The following PTCD1 variants were observed in gnomAD, a reference collection of about 807,000 sequenced individuals.
The protein encoded by PTCD1 is pentatricopeptide repeat domain 1.
Under a neutral mutation model 53.4 loss-of-function variants are expected in PTCD1, and 50 were observed. The observed-to-expected ratio is 0.94, with a 90% CI of 0.75 to 1.19. The LOEUF (loss-of-function observed/expected upper bound fraction) is 1.19, where lower values mean the gene tolerates loss of function less well. Ranked by LOEUF, PTCD1 falls within the 50% of genes most tolerant of loss-of-function variation. The pLI, the probability that PTCD1 is intolerant of heterozygous loss-of-function variation, is 0.00. For synonymous variants in PTCD1, 413 were observed against 394.8 expected, an observed-to-expected ratio of 1.05 and a Z score of -0.55; for missense variants, 918 against 904.8, an observed-to-expected ratio of 1.01 and a Z score of -0.19.
intron 2 of PTCD1, among the ~76,000 whole-genome samples, chr7:99,433,913 ATG>A: frequency 6.6e-6 from 1 of 151,586 alleles, no homozygotes; most frequent in Admixed American, 6.6e-5. Context: ...TTAGCCAGGC[ATG>A]GTGGCACACA....
rs573252963 is a variant in PTCD1 at position 99,425,161 on chromosome 7, C to T, written c.1371G>A (p.Thr457=). The change falls in exon 6 of 8, where the codon ACG becomes ACA. Residue 457 remains threonine, a synonymous_variant. Transcript: ENST00000292478. ...AVPPTVVSFG[T]VTTPADRLAL... is the part of the protein sequence containing the mutation. ...CCAGCCGGTCAGCTGGGGTGGTCAC[C>T]GTTCCAAAGGAGACCACTGTAGGGG... 20 of 1,614,050 alleles carry T rather than the reference C, an allele frequency of 1.2e-5. No individual in the cohort carries two copies. The highest frequency in any genetic ancestry group is 1.1e-4 in the South Asian group (10 of 91,086).
At position 99,425,256 on chromosome 7, in the gene PTCD1, G is replaced by C; in HGVS notation, c.1276C>G (p.Leu426Val). 6.2e-7 allele frequency: 1 copy of C among 1,613,070 alleles called. No individual in the cohort carries two copies. ...GGTGGCTTCAGGGCCACTGCGGTGA[G>C]GGCTGCTGTGTGGCTGGGCTCTGCC... ...TKAEPSHTAALTAVALKPPPV... is the reference protein window; with the variant it reads ...TKAEPSHTAAVTAVALKPPPV... The change falls in exon 6 of 8, where the codon CTC becomes GTC. Residue 426 changes from leucine to valine, a missense_variant. Coordinates refer to ENST00000292478, the MANE Select transcript of PTCD1 (RefSeq NM_015545.4).
At chr7:99,430,172 T>C (rs993683422) in intron 3 of PTCD1, among the ~76,000 whole-genome samples, 1 of 152,214 alleles carries the variant, frequency 6.6e-6, no homozygotes, top group East Asian at 1.9e-4. Context: ...CCGGGCAAGT[T>C]AGCACTTCCT....
intron 3 of PTCD1, among the ~76,000 whole-genome samples, chr7:99,431,205 G>A (rs1268265129): frequency 6.6e-6 from 1 of 151,092 alleles, no homozygotes; most frequent in Non-Finnish European, 1.5e-5. Flanking sequence ...GGCTCACTAC[G>A]ACCTCCCTCC....
At chr7:99,437,736 C>A (rs1401009842) in intron 1 of PTCD1, among the ~76,000 whole-genome samples, 3 of 152,162 alleles carry the variant, frequency 2.0e-5, no homozygotes, top group African/African-American at 7.2e-5. Flanking sequence ...ACAATCTCGG[C>A]TCAATGCAAC....
In PTCD1 at chr7:99,419,591, AAAAAT is replaced by A. The variant is rs1795706179; in HGVS notation, c.*371_*375del. 1.1e-6 allele frequency: 1 copy of A among 929,206 alleles called. No homozygotes were observed. Among genetic ancestry groups the A allele is most frequent in the Admixed American group, 2.5e-5 (1 of 40,222 alleles). 57.6% of individuals were successfully genotyped at this position (929,206 alleles called of 1,614,324 possible). Reference sequence around the variant, plus strand: ...TCGCTGTCTATCAGCTGTGATTTGTAAAAATAAAATCTTTAAATCTCTCGAGCCCC... The same window carrying A: ...TCGCTGTCTATCAGCTGTGATTTGTAAAAATCTTTAAATCTCTCGAGCCCC... On this transcript the variant is annotated 3_prime_UTR_variant, in exon 8 of 8. Transcript: ENST00000292478.
At position 99,419,624 on chromosome 7, in the gene PTCD1, G is replaced by A. The variant is rs190041530; in HGVS notation, c.*343C>T. On this transcript the variant is annotated 3_prime_UTR_variant, in exon 8 of 8. Coordinates refer to ENST00000292478, the MANE Select transcript of PTCD1 (RefSeq NM_015545.4). ...AATCTTTAAATCTCTCGAGCCCCAC[G>A]TCTCTTCTTTCAGAGCATCGGCCTA... 8.2e-4 allele frequency: 668 copies of A among 813,326 alleles called. 1 individual carries two copies. The highest frequency in any genetic ancestry group is 1.1e-3 in the Non-Finnish European group (601 of 526,784). The allele number at this position is 813,326 out of a possible 1,614,324, so 50.4% of individuals were successfully genotyped here. A position where few individuals can be genotyped will look rare whatever the true frequency, so the allele number is the denominator to read the frequency against.
chr7:99,431,956 G>A (rs1306112093), intron 3 of PTCD1, among the ~76,000 whole-genome samples: 2 of 152,216 alleles, frequency 1.3e-5, no homozygotes, highest in Non-Finnish European at 2.9e-5. Flanking sequence ...GCTGTGCAGG[G>A]TGTGCTTTGT....
In PTCD1 at chr7:99,438,734, C is replaced by G. The variant is rs45542444; in HGVS notation, c.-69G>C. On this transcript the variant is annotated 5_prime_UTR_variant, in exon 1 of 8. Coordinates refer to ENST00000292478, the MANE Select transcript of PTCD1 (RefSeq NM_015545.4). ...GTGCACTCCGACGGGGAGCCCTGCC[C>G]GGTCCCCGCGGCGAACCAGTCTCTT... 716 of 1,310,130 alleles carry G rather than the reference C, an allele frequency of 5.5e-4. 3 individuals are homozygous for G. In the African/African-American group the frequency reaches 9.9e-3, roughly 18 times the overall value. The allele number at this position is 1,310,130 out of a possible 1,614,324, so 81.2% of individuals were successfully genotyped here.
chr7:99,434,220 C>T (rs1468842208), intron 2 of PTCD1, among the ~76,000 whole-genome samples: 5 of 151,572 alleles, frequency 3.3e-5, no homozygotes, highest in Non-Finnish European at 4.4e-5. Flanking sequence ...CCAAGGCGGG[C>T]GGATCACCTG....
At chr7:99,429,441 G>T in intron 4 of PTCD1, 147 bp downstream of exon 4, 1 of 1,277,478 alleles carries the variant, frequency 7.8e-7, no homozygotes, top group Non-Finnish European at 1.1e-6. Flanking sequence ...GGTCTCATCA[G>T]ATCCATCTGT....
intron 4 of PTCD1, 23 bp downstream of exon 4, chr7:99,429,565 C>G (rs1164438755): frequency 6.2e-7 from 1 of 1,614,024 alleles, no homozygotes; most frequent in Admixed American, 1.7e-5. Context: ...TGAAGGGGAG[C>G]AGGACGGCAG....
At chr7:99,432,917 T>C (rs1210238774) in intron 3 of PTCD1, 3 of 382,066 alleles carry the variant, frequency 7.9e-6, no homozygotes, top group Non-Finnish European at 1.0e-5. Flanking sequence ...GATATGGTGC[T>C]ACACACCTGT....
At position 99,418,676 on chromosome 7, in the gene PTCD1, A is replaced by T. The variant is rs1584445821; in HGVS notation, c.*1291T>A. ...GCAGGGACAGGTGGCAGAGTGGCAGAAGCCCCCTTCCTCTGAGTGCCCAGA... is the reference window on the plus strand; with the variant it reads ...GCAGGGACAGGTGGCAGAGTGGCAGTAGCCCCCTTCCTCTGAGTGCCCAGA... On this transcript the variant is annotated 3_prime_UTR_variant, in exon 8 of 8. Transcript: ENST00000292478. 6.6e-6 allele frequency: 1 copy of T among 152,568 alleles called. No individual in the cohort carries two copies. The highest frequency in any genetic ancestry group is 2.1e-4 in the South Asian group (1 of 4,840). 9.5% of individuals were successfully genotyped at this position (152,568 alleles called of 1,614,324 possible).
intron 3 of PTCD1, among the ~76,000 whole-genome samples, chr7:99,432,604 ATG>A (rs1433899242): frequency 0.011 from 1,618 of 152,154 alleles, 18 homozygotes; most frequent in African/African-American, 0.036. Flanking sequence ...GGTCCTCCGT[ATG>A]CGCAGGTCCT....
chr7:99,435,516 G>T (rs964922906), intron 1 of PTCD1, among the ~76,000 whole-genome samples: 1 of 152,112 alleles, frequency 6.6e-6, no homozygotes, highest in Admixed American at 6.6e-5. Flanking sequence ...CTGTGCGCCT[G>T]TAATCCCAGC....
Position 99,434,997 on chromosome 7 carries a change from G to C in PTCD1, c.246C>G (p.Asp82Glu), listed in dbSNP as rs755485680. 1.2e-6 allele frequency: 2 copies of C among 1,614,158 alleles called. No individual in the cohort carries two copies. Among genetic ancestry groups the C allele is most frequent in the South Asian group, 1.1e-5 (1 of 91,088 alleles). ...HSNSTATQEE[D>E]EEEEESFGTL... Reference sequence around the variant, plus strand: ...TCCCAAAACTCTCCTCCTCCTCCTCGTCTTCTTCCTGCGTGGCCGTGGAGT... The same window carrying C: ...TCCCAAAACTCTCCTCCTCCTCCTCCTCTTCTTCCTGCGTGGCCGTGGAGT... Residue 82 changes from aspartate to glutamate, a missense_variant, in exon 2 of 8, where the codon GAC (aspartate) becomes GAG (glutamate). Asp to Glu is a conservative substitution (Grantham distance 45). Transcript: ENST00000292478.
chr7:99,422,281 C>T (rs1795850628), intron 7 of PTCD1, among the ~76,000 whole-genome samples: 1 of 152,200 alleles, frequency 6.6e-6, no homozygotes, highest in Non-Finnish European at 1.5e-5. Context: ...TTCCTGACCC[C>T]GCACCCTCTA....
chr7:99,433,355 C>G lies in PTCD1; in HGVS notation c.517G>C (p.Glu173Gln), dbSNP rs1238471609. 1 of 1,614,190 alleles carries G rather than the reference C, an allele frequency of 6.2e-7. No individual in the cohort carries two copies. The highest frequency in any genetic ancestry group is 1.1e-5 in the South Asian group (1 of 91,086). The change falls in exon 3 of 8, where the codon GAG becomes CAG. Residue 173 changes from glutamate (E) to glutamine (Q), a missense_variant. Glu to Gln is a conservative substitution (Grantham distance 29, BLOSUM62 2). Transcript: ENST00000292478. ...MLKEERLQPM[E>Q]SNYTVLIGGC... Reference sequence around the variant, plus strand: ...CCAATCAGCACCGTGTAGTTGCTCTCCATGGGCTGCAATCGCTCCTCCTTC... The same window carrying G: ...CCAATCAGCACCGTGTAGTTGCTCTGCATGGGCTGCAATCGCTCCTCCTTC...
Sources: allele counts gnomAD v4.1 joint callset (sites outside exome capture counted in the v4.1 genomes callset), GRCh38; gene constraint gnomAD v4.1.1; transcripts MANE v1.5; gene names NCBI Gene and HGNC (gene_info 2026-07-23, HGNC 2026-07-21).